The following SSBP3 variants were observed in gnomAD, a reference collection of about 807,000 sequenced individuals.
The protein encoded by SSBP3 is single-stranded DNA-binding protein 3.
Under a neutral mutation model 69.6 loss-of-function variants are expected in SSBP3, and 5 were observed. That is an observed-to-expected ratio of 0.07 (90% CI 0.04 to 0.15). The LOEUF is 0.15. Among genes scored for constraint, SSBP3 ranks in the 10% least tolerant of loss-of-function variants. The probability of loss-of-function intolerance (pLI) is 1.00; values close to 1 mark genes in which losing one functional copy is unlikely to be tolerated. For synonymous variants in SSBP3, 196 were observed against 193.4 expected, an observed-to-expected ratio of 1.01 and a Z score of -0.11; for missense variants, 312 against 534.0, an observed-to-expected ratio of 0.58 and a Z score of 4.10.
At chr1:54,226,065 C>T (rs950764907) in exon 18 of SSBP3, 2 of 152,322 alleles carry the variant, frequency 1.3e-5, no homozygotes, top group South Asian at 4.1e-4. Flanking sequence ...GGGACCAGAA[C>T]GCGGAGGTCA....
At chr1:54,333,309 T>C (rs1045961414) in intron 4 of SSBP3, among the ~76,000 whole-genome samples, 11 of 152,156 alleles carry the variant, frequency 7.2e-5, no homozygotes. Context: ...GGCCATTTGG[T>C]GTGCAGAGTC....
At position 54,310,193 on chromosome 1, in the gene SSBP3, C is replaced by T. The variant is rs116746966; in HGVS notation, c.277-28666G>A. On this transcript the variant is annotated intron_variant, in intron 4 of 17. Coordinates refer to ENST00000610401, the Ensembl canonical transcript of SSBP3. The stretch of plus-strand genomic sequence containing the variant: ...TTAGTGCCTGCTGCTGCCAGCAGGC[C>T]GTGTGGACCTCGGGGAGGCGCAGCC... 6.0e-3 allele frequency among the ~76,000 whole-genome samples: 912 copies of T among 152,286 alleles called. 10 individuals are homozygous for T. Among genetic ancestry groups the T allele is most frequent in the African/African-American group, 0.021 (880 of 41,572 alleles).
chr1:54,347,371 A>T (rs763581906), intron 4 of SSBP3, among the ~76,000 whole-genome samples: 199 of 113,370 alleles, frequency 1.8e-3, no homozygotes, highest in Non-Finnish European at 2.5e-3. Flanking sequence ...TCCCCTTTTT[A>T]AAAAAAAAAA....
chr1:54,313,902 G>A (rs1397192695), intron 4 of SSBP3, among the ~76,000 whole-genome samples: 1 of 142,756 alleles, frequency 7.0e-6, no homozygotes, highest in Admixed American at 6.8e-5. Context: ...AAGTAGCTGG[G>A]ATTGCAGGTG....
chr1:54,228,821 C>T lies in SSBP3; in HGVS notation c.933G>A (p.Pro311=), dbSNP rs1000047009. The stretch of plus-strand genomic sequence containing the variant: ...TCGGACCGTCCGAGCCGGGACCCAT[C>T]GGGAACTGGGGAAGAAGCACAGGGC... Residue 311 remains proline, a synonymous_variant, in exon 15 of 18, where the codon CCG becomes CCA. Coordinates refer to ENST00000610401, the Ensembl canonical transcript of SSBP3. The T allele has an allele frequency of 2.0e-5, 32 of 1,611,630 alleles. 1 individual carries two copies. Among genetic ancestry groups the T allele is most frequent in the African/African-American group, 6.7e-5 (5 of 74,932 alleles).
At chr1:54,305,097 C>A (rs866968467) in intron 4 of SSBP3, among the ~76,000 whole-genome samples, 10 of 152,160 alleles carry the variant, frequency 6.6e-5, no homozygotes, top group Admixed American at 2.0e-4. Flanking sequence ...GGAGGCGTGG[C>A]GTGGGAGGCC....
intron 4 of SSBP3, among the ~76,000 whole-genome samples, chr1:54,288,018 G>A (rs1645523322): frequency 6.6e-6 from 1 of 152,316 alleles, no homozygotes; most frequent in Admixed American, 6.5e-5. Context: ...AGGGATGGAT[G>A]TGTCTCCCGG....
intron 4 of SSBP3, among the ~76,000 whole-genome samples, chr1:54,317,518 T>TA (rs1333712171): frequency 6.6e-6 from 1 of 150,642 alleles, no homozygotes; most frequent in African/African-American, 2.5e-5. Context: ...GCCTGGGTGA[T>TA]AGAGCGAGAC....
intron 4 of SSBP3, among the ~76,000 whole-genome samples, chr1:54,390,389 C>T (rs769911260): frequency 3.9e-4 from 60 of 152,124 alleles, no homozygotes; most frequent in Non-Finnish European, 8.1e-4. Flanking sequence ...TCCTCCTAGT[C>T]TCTTCTCTTC....
chr1:54,298,681 A>T lies in SSBP3; in HGVS notation c.277-17154T>A, dbSNP rs1645744060. Among the ~76,000 whole-genome samples, 4 of 152,128 alleles carry T rather than the reference A, an allele frequency of 2.6e-5. No individual in the cohort carries two copies. In the South Asian group the frequency reaches 8.3e-4, roughly 32 times the overall value. On this transcript the variant is annotated intron_variant, in intron 4 of 17. Coordinates refer to ENST00000610401, the Ensembl canonical transcript of SSBP3. ...AACACCTGCTTTCCATCTCTAGAAG[A>T]GAGGACTTGTCTTGCCACTCACTCT... is the stretch of plus-strand genomic sequence containing the variant.
intron 4 of SSBP3, among the ~76,000 whole-genome samples, chr1:54,374,943 C>T (rs555346876): frequency 8.5e-5 from 13 of 152,294 alleles, no homozygotes; most frequent in Admixed American, 1.3e-4. Flanking sequence ...GGGGAGGGGA[C>T]GAGAGCATCC....
chr1:54,363,744 G>A (rs1409360594), intron 4 of SSBP3, among the ~76,000 whole-genome samples: 1 of 152,138 alleles, frequency 6.6e-6, no homozygotes, highest in African/African-American at 2.4e-5. Flanking sequence ...CCACCATAAA[G>A]GTATACTGCA....
intron 4 of SSBP3, among the ~76,000 whole-genome samples, chr1:54,359,803 G>T (rs562412205): frequency 1.3e-5 from 2 of 152,078 alleles, no homozygotes; most frequent in Non-Finnish European, 2.9e-5. Context: ...TCAGGAGGGT[G>T]CGATGCCATC....
intron 4 of SSBP3, among the ~76,000 whole-genome samples, chr1:54,305,028 G>A (rs762981392): frequency 3.3e-5 from 5 of 152,124 alleles, no homozygotes; most frequent in Admixed American, 6.5e-5. Flanking sequence ...TGTCCTCCAC[G>A]CCAGCTGAGA....
chr1:54,283,481 T>C (rs1283682773), intron 4 of SSBP3, among the ~76,000 whole-genome samples: 2 of 152,148 alleles, frequency 1.3e-5, no homozygotes, highest in Non-Finnish European at 2.9e-5. Flanking sequence ...TGAATTTGCT[T>C]CCTGTAAAAA....
At chr1:54,362,294 C>G (rs1195565956) in intron 4 of SSBP3, among the ~76,000 whole-genome samples, 2 of 152,212 alleles carry the variant, frequency 1.3e-5, no homozygotes, top group Admixed American at 6.5e-5. Flanking sequence ...AGCTGCTCAA[C>G]TAAGAGCAAA....
intron 9 of SSBP3, among the ~76,000 whole-genome samples, chr1:54,251,260 C>T (rs1403736901): frequency 6.6e-6 from 1 of 152,190 alleles, no homozygotes; most frequent in East Asian, 1.9e-4. Context: ...CTCAAGTCTA[C>T]CTCACCCAGG....
intron 9 of SSBP3, among the ~76,000 whole-genome samples, chr1:54,250,875 C>G (rs1441150848): frequency 6.6e-6 from 1 of 152,198 alleles, no homozygotes; most frequent in Non-Finnish European, 1.5e-5. Flanking sequence ...ACACCTGTTG[C>G]TTGGACACCC....
At chr1:54,368,591 ATT>A (rs1647067655) in intron 4 of SSBP3, among the ~76,000 whole-genome samples, 1 of 152,196 alleles carries the variant, frequency 6.6e-6, no homozygotes, top group East Asian at 1.9e-4. Context: ...AGGTGTGAGA[ATT>A]ACTGTCTTTT....
Sources: allele counts gnomAD v4.1 joint callset (sites outside exome capture counted in the v4.1 genomes callset), GRCh38; gene constraint gnomAD v4.1.1; transcripts MANE v1.5; gene names NCBI Gene and HGNC (gene_info 2026-07-23, HGNC 2026-07-21).